Variants in QDPR observed in about 807,000 individuals in gnomAD.
QDPR encodes dihydropteridine reductase.
In QDPR, 23 loss-of-function variants were observed where a neutral mutation model predicts 31.7. The ratio of observed to expected loss-of-function variants is 0.73; its 90% CI spans 0.52 to 1.03. The LOEUF is 1.03. QDPR is among the 50% of genes least tolerant of loss of function. The probability of loss-of-function intolerance (pLI) is 0.00; values close to 1 mark genes in which losing one functional copy is unlikely to be tolerated. For synonymous variants in QDPR, 124 were observed against 124.7 expected, an observed-to-expected ratio of 0.99 and a Z score of 0.03; for missense variants, 324 against 323.8, an observed-to-expected ratio of 1.00 and a Z score of 0.00.
chr4:17,503,500 A>G (rs1577192608), intron 3 of QDPR, among the ~76,000 whole-genome samples: 2 of 151,882 alleles, frequency 1.3e-5, no homozygotes, highest in African/African-American at 4.9e-5. Flanking sequence ...AACAGTTAAC[A>G]AAAAACAATG....
intron 6 of QDPR, 95 bp downstream of exon 6, chr4:17,490,567 C>CG: frequency 9.6e-7 from 1 of 1,037,106 alleles, no homozygotes; most frequent in South Asian, 1.3e-5. Flanking sequence ...CCCGGATTGA[C>CG]GATCTCAGGG....
At chr4:17,495,944 G>A (rs956117108) in intron 4 of QDPR, among the ~76,000 whole-genome samples, 1 of 152,052 alleles carries the variant, frequency 6.6e-6, no homozygotes, top group African/African-American at 2.4e-5. Flanking sequence ...CCGGGAGGTC[G>A]AGGCTGCAGT....
intron 2 of QDPR, among the ~76,000 whole-genome samples, chr4:17,508,881 A>G (rs1333693390): frequency 6.6e-6 from 1 of 152,160 alleles, no homozygotes; most frequent in East Asian, 1.9e-4. Flanking sequence ...AGAACAGGCC[A>G]GGCGCGGTGG....
At chr4:17,493,276 T>G (rs532144787) in intron 4 of QDPR, among the ~76,000 whole-genome samples, 1 of 152,138 alleles carries the variant, frequency 6.6e-6, no homozygotes, top group Non-Finnish European at 1.5e-5. Flanking sequence ...GGACCCCATC[T>G]CTACAAAAAT....
At position 17,501,784 on chromosome 4, in the gene QDPR, T is replaced by G; in HGVS notation, c.371A>C (p.Lys124Thr). Residue 124 changes from lysine (K) to threonine (T), a missense_variant, in exon 4 of 7, where the codon AAG becomes ACG. Coordinates refer to ENST00000281243, the MANE Select transcript of QDPR (RefSeq NM_000320.3). ...CAGGAGGCCTCCTTCCTTGAGATGC[T>G]TGGTAGCCAGATGGCTGGAGATGGT... ...TSTISSHLATKHLKEGGLLTL... is the reference protein window; with the variant it reads ...TSTISSHLATTHLKEGGLLTL... The G allele has an allele frequency of 3.7e-6, 6 of 1,614,188 alleles. No individual in the cohort carries two copies. Among genetic ancestry groups the G allele is most frequent in the Middle Eastern group, 1.7e-4 (1 of 6,060 alleles).
At chr4:17,489,732 G>A (rs1227614166) in intron 6 of QDPR, among the ~76,000 whole-genome samples, 1 of 152,160 alleles carries the variant, frequency 6.6e-6, no homozygotes, top group African/African-American at 2.4e-5. Context: ...CATAAAAAGT[G>A]TTCTGTAAGT....
Sources: gnomAD v4.1 joint callset for allele counts (sites outside exome capture counted in the v4.1 genomes callset) on GRCh38, gnomAD v4.1.1 for gene constraint, MANE v1.5 for transcripts, NCBI Gene and HGNC (gene_info 2026-07-23, HGNC 2026-07-21) for gene names.